The following DENND2C variants were observed in gnomAD, a reference collection of about 807,000 sequenced individuals.
DENND2C encodes the protein DENN domain-containing protein 2C.
DENND2C carries 72 observed loss-of-function variants against 112.4 expected under a neutral mutation model. That is an observed-to-expected ratio of 0.64 (90% CI 0.53 to 0.78). The LOEUF is 0.78. Ranked by LOEUF, DENND2C falls within the 30% of genes least tolerant of loss-of-function variation. The probability of loss-of-function intolerance (pLI) is 0.00; values close to 1 mark genes in which losing one functional copy is unlikely to be tolerated. For missense variants in DENND2C, 992 were observed against 1,113.8 expected (o/e 0.89, Z 1.56); for synonymous variants, 329 against 381.6 (o/e 0.86, Z 1.61).
intron 18 of DENND2C, among the ~76,000 whole-genome samples, chr1:114,588,303 GCTAA>G (rs1655098537): frequency 6.6e-6 from 1 of 152,160 alleles, no homozygotes; most frequent in Non-Finnish European, 1.5e-5. Context: ...CTGCATTTGT[GCTAA>G]CTACCTCCTC....
intron 3 of DENND2C, among the ~76,000 whole-genome samples, chr1:114,636,588 T>G (rs1242301904): frequency 6.6e-6 from 1 of 152,072 alleles, no homozygotes; most frequent in African/African-American, 2.4e-5. Flanking sequence ...GGGGGAGGAC[T>G]GCTTCAGTCT....
chr1:114,652,139 T>C (rs1016572329), intron 2 of DENND2C, among the ~76,000 whole-genome samples: 1 of 152,150 alleles, frequency 6.6e-6, no homozygotes, highest in Admixed American at 6.5e-5. Context: ...ATGCACAAAC[T>C]ACCCAATCAA....
intron 1 of DENND2C, among the ~76,000 whole-genome samples, chr1:114,669,365 C>G (rs1277434846): frequency 6.6e-6 from 1 of 152,118 alleles, no homozygotes; most frequent in African/African-American, 2.4e-5. Flanking sequence ...TCTGGTTCCG[C>G]GGGTTCTGGC....
chr1:114,618,526 A>C, intron 7 of DENND2C, 44 bp from the exon 8 acceptor site: 1 of 1,209,368 alleles, frequency 8.3e-7, no homozygotes, highest in Non-Finnish European at 1.2e-6. Context: ...CAACACCCAA[A>C]AGTTTCACAG....
intron 2 of DENND2C, among the ~76,000 whole-genome samples, chr1:114,649,937 T>C (rs1462083885): frequency 1.3e-5 from 2 of 152,222 alleles, no homozygotes; most frequent in Non-Finnish European, 2.9e-5. Flanking sequence ...TTTTGGTGTA[T>C]CTTCTGTTTT....
At position 114,602,125 on chromosome 1, in the gene DENND2C, C is replaced by T; in HGVS notation, c.1737G>A (p.Leu579=). Residue 579 remains leucine (L), a splice_region_variant and synonymous_variant, in exon 12 of 21, where the codon TTG becomes TTA. Coordinates refer to ENST00000393274, the MANE Select transcript of DENND2C (RefSeq NM_001256404.2). The part of the protein sequence containing the change: ...SRWFGYCKKL[L]PVGKGKRLPE... Reference sequence around the variant, plus strand: ...TCTGTAACACAAATCTGATACTTACCAAGAGCTTCTTACAGTAACCAAACC... The same window carrying T: ...TCTGTAACACAAATCTGATACTTACTAAGAGCTTCTTACAGTAACCAAACC... The T allele has an allele frequency of 5.6e-6, 9 of 1,613,686 alleles. No homozygotes were observed. Among genetic ancestry groups the T allele is most frequent in the Non-Finnish European group, 7.6e-6 (9 of 1,179,810 alleles).
chr1:114,605,055 G>A (rs1437645343), intron 10 of DENND2C, 24 bp from the exon 11 acceptor site: 5 of 1,540,514 alleles, frequency 3.2e-6, no homozygotes, highest in Non-Finnish European at 4.5e-6. Context: ...CACCATAGGT[G>A]ACTTAAATTA....
intron 3 of DENND2C, among the ~76,000 whole-genome samples, chr1:114,633,439 C>CA (rs780884019): frequency 0.058 from 2,776 of 48,074 alleles, 65 homozygotes; most frequent in African/African-American, 0.078. Flanking sequence ...GACCCTATCT[C>CA]AAAAAAAAAA....
intron 3 of DENND2C, among the ~76,000 whole-genome samples, chr1:114,639,688 T>G (rs1196463333): frequency 6.6e-6 from 1 of 152,078 alleles, no homozygotes; most frequent in Admixed American, 6.6e-5. Context: ...TTTGAAATAT[T>G]CCATCTCTTC....
chr1:114,595,058 C>T (rs1655304063), intron 17 of DENND2C, among the ~76,000 whole-genome samples: 1 of 152,208 alleles, frequency 6.6e-6, no homozygotes, highest in Non-Finnish European at 1.5e-5. Flanking sequence ...TCCCACTGTA[C>T]CTTGTACAAA....
At chr1:114,653,570 T>A (rs1657227524) in intron 2 of DENND2C, among the ~76,000 whole-genome samples, 1 of 152,194 alleles carries the variant, frequency 6.6e-6, no homozygotes. Flanking sequence ...ATGGTACCAG[T>A]GAGAGAACTT....
chr1:114,588,207 C>T (rs929057237), intron 18 of DENND2C, among the ~76,000 whole-genome samples: 1 of 152,180 alleles, frequency 6.6e-6, no homozygotes, highest in South Asian at 2.1e-4. Context: ...CTGTTGATTT[C>T]ATTTTAACTG....
chr1:114,621,335 A>G (rs1215688255), intron 7 of DENND2C, among the ~76,000 whole-genome samples: 1 of 152,250 alleles, frequency 6.6e-6, no homozygotes, highest in Non-Finnish European at 1.5e-5. Flanking sequence ...TTTGGTTGCA[A>G]TGCTTCTAGT....
At chr1:114,633,161 C>T (rs1426338802) in intron 3 of DENND2C, among the ~76,000 whole-genome samples, 2 of 151,974 alleles carry the variant, frequency 1.3e-5, no homozygotes, top group Non-Finnish European at 2.9e-5. Flanking sequence ...TTAAAAATCA[C>T]TTTATGCCGG....
chr1:114,661,957 A>G (rs1345596062), intron 1 of DENND2C, among the ~76,000 whole-genome samples: 1 of 152,180 alleles, frequency 6.6e-6, no homozygotes, highest in Non-Finnish European at 1.5e-5. Context: ...TCTTTGCTCA[A>G]CCCTGATTTA....
At chr1:114,612,786 G>A (rs1201803943) in intron 8 of DENND2C, among the ~76,000 whole-genome samples, 1 of 152,084 alleles carries the variant, frequency 6.6e-6, no homozygotes, top group Non-Finnish European at 1.5e-5. Context: ...CCAAAGTGCT[G>A]GGATTATAGG....
At chr1:114,628,430 G>C (rs964806793) in intron 3 of DENND2C, among the ~76,000 whole-genome samples, 3 of 152,030 alleles carry the variant, frequency 2.0e-5, no homozygotes, top group African/African-American at 7.3e-5. Flanking sequence ...CAGTTGAACA[G>C]AGTAGCACAG....
chr1:114,633,448 A>G (rs1423639422), intron 3 of DENND2C, among the ~76,000 whole-genome samples: 1 of 150,132 alleles, frequency 6.7e-6, no homozygotes, highest in Non-Finnish European at 1.5e-5. Context: ...TCAAAAAAAA[A>G]AAAAAAAAAA....
intron 18 of DENND2C, among the ~76,000 whole-genome samples, chr1:114,593,744 G>A (rs1655260883): frequency 6.6e-6 from 1 of 152,094 alleles, no homozygotes; most frequent in East Asian, 1.9e-4. Flanking sequence ...TTGCACTCCA[G>A]CCTGGGTGAC....
Sources: allele counts gnomAD v4.1 joint callset (sites outside exome capture counted in the v4.1 genomes callset), GRCh38; gene constraint gnomAD v4.1.1; transcripts MANE v1.5; gene names NCBI Gene and HGNC (gene_info 2026-07-23, HGNC 2026-07-21).